The following ERC2 variants were observed in gnomAD, a reference collection of about 807,000 sequenced individuals.
ERC2 encodes the protein ERC protein 2.
In ERC2, 42 loss-of-function variants were observed where a neutral mutation model predicts 114.8. The ratio of observed to expected loss-of-function variants is 0.37; its 90% CI spans 0.29 to 0.47. The LOEUF is 0.47. Ranked by LOEUF, ERC2 falls within the 20% of genes least tolerant of loss-of-function variation. The pLI is 0.99. For synonymous variants in ERC2, 454 were observed against 425.5 expected, an observed-to-expected ratio of 1.07 and a Z score of -0.82; for missense variants, 939 against 1,150.7, an observed-to-expected ratio of 0.82 and a Z score of 2.66.
At chr3:56,399,780 C>G (rs1243005054) in intron 2 of ERC2, among the ~76,000 whole-genome samples, 1 of 151,314 alleles carries the variant, frequency 6.6e-6, no homozygotes, top group African/African-American at 2.4e-5. Flanking sequence ...AAAAAAGGAA[C>G]TTGGTTTTTA....
intron 14 of ERC2, among the ~76,000 whole-genome samples, chr3:55,772,732 G>A (rs1378531650): frequency 6.6e-6 from 1 of 152,118 alleles, no homozygotes; most frequent in African/African-American, 2.4e-5. Context: ...TGTCAAATTT[G>A]CCAAGATGAA....
intron 17 of ERC2, among the ~76,000 whole-genome samples, chr3:55,676,536 T>C (rs2061824566): frequency 6.6e-6 from 1 of 151,880 alleles, no homozygotes; most frequent in Non-Finnish European, 1.5e-5. Context: ...CTCAGATTAA[T>C]TTTCACCAGA....
At chr3:55,621,395 A>G (rs2059322943) in intron 17 of ERC2, among the ~76,000 whole-genome samples, 1 of 152,210 alleles carries the variant, frequency 6.6e-6, no homozygotes, top group Non-Finnish European at 1.5e-5. Context: ...GGTGACAACA[A>G]AGAAAGAACG....
intron 3 of ERC2, among the ~76,000 whole-genome samples, chr3:56,208,434 G>A (rs1184115615): frequency 6.6e-6 from 1 of 152,170 alleles, no homozygotes; most frequent in Non-Finnish European, 1.5e-5. Context: ...CAACAGGTTA[G>A]GAATTTAGGA....
Position 55,581,679 on chromosome 3 carries a change from A to T in ERC2, c.*40-70403T>A, listed in dbSNP as rs115975560. Among the ~76,000 whole-genome samples, 1,489 of 152,300 alleles carry T rather than the reference A, an allele frequency of 9.8e-3. 21 individuals are homozygous for T. Among genetic ancestry groups the T allele is most frequent in the African/African-American group, 0.034 (1,418 of 41,546 alleles). On this transcript the variant is annotated intron_variant, in intron 17 of 17. Coordinates refer to ENST00000288221, the MANE Select transcript of ERC2 (RefSeq NM_015576.3). ...TGTGAACCTCTTGAAATGATATGCA[A>T]CGTTTCAAATGTGCCACATGCTTTT... is the stretch of plus-strand genomic sequence containing the variant.
At chr3:56,225,033 T>G (rs2050160737) in intron 3 of ERC2, among the ~76,000 whole-genome samples, 1 of 152,134 alleles carries the variant, frequency 6.6e-6, no homozygotes, top group Non-Finnish European at 1.5e-5. Flanking sequence ...CCTGTCCATG[T>G]GTCCTCGGGC....
chr3:55,778,172 A>C (rs75998364), intron 14 of ERC2, among the ~76,000 whole-genome samples: 365 of 152,370 alleles, frequency 2.4e-3, no homozygotes, highest in Middle Eastern at 0.01. Context: ...AAATGAATAC[A>C]CGTGTGTATG....
chr3:56,346,309 T>C (rs935293502), intron 2 of ERC2, among the ~76,000 whole-genome samples: 1 of 152,192 alleles, frequency 6.6e-6, no homozygotes, highest in Non-Finnish European at 1.5e-5. Context: ...AACTGGAACA[T>C]TTTAAAAACT....
chr3:55,557,898 C>T (rs1444769615), intron 17 of ERC2, among the ~76,000 whole-genome samples: 2 of 152,182 alleles, frequency 1.3e-5, no homozygotes, highest in East Asian at 1.9e-4. Flanking sequence ...TGCTCGTGGC[C>T]CTCCAGGGCT....
intron 3 of ERC2, among the ~76,000 whole-genome samples, chr3:56,220,270 T>C (rs1442477138): frequency 2.0e-5 from 3 of 152,224 alleles, no homozygotes; most frequent in East Asian, 1.9e-4. Context: ...CATGCCATTC[T>C]GCATTTCCCA....
At chr3:56,082,319 T>C (rs942666714) in intron 6 of ERC2, among the ~76,000 whole-genome samples, 10 of 152,288 alleles carry the variant, frequency 6.6e-5, no homozygotes, top group African/African-American at 2.2e-4. Flanking sequence ...CCTTCCACCA[T>C]GTGAGAACAC....
At chr3:56,462,213 A>C (rs1390548019) in intron 1 of ERC2, among the ~76,000 whole-genome samples, 2 of 152,192 alleles carry the variant, frequency 1.3e-5, no homozygotes, top group Non-Finnish European at 2.9e-5. Flanking sequence ...AATTCTCTAC[A>C]TTACTCATTC....
At chr3:55,860,370 G>A (rs1279083720) in intron 14 of ERC2, among the ~76,000 whole-genome samples, 1 of 152,134 alleles carries the variant, frequency 6.6e-6, no homozygotes, top group Non-Finnish European at 1.5e-5. Flanking sequence ...AAGCTGGGGC[G>A]ATGTGCACCC....
At chr3:56,269,425 G>C (rs1276031394) in intron 3 of ERC2, among the ~76,000 whole-genome samples, 4 of 152,164 alleles carry the variant, frequency 2.6e-5, no homozygotes, top group African/African-American at 9.7e-5. Flanking sequence ...GGGTGAGTCT[G>C]CTCAGACCCT....
At chr3:56,167,880 T>C (rs967169092) in intron 4 of ERC2, among the ~76,000 whole-genome samples, 1 of 152,164 alleles carries the variant, frequency 6.6e-6, no homozygotes, top group African/African-American at 2.4e-5. Flanking sequence ...AACACATGCA[T>C]GTAAAAAGGA....
intron 5 of ERC2, among the ~76,000 whole-genome samples, chr3:56,147,150 A>T (rs4974170): frequency 0.076 from 11,541 of 152,262 alleles, 581 homozygotes; most frequent in East Asian, 0.14. Flanking sequence ...GAGTTCACTC[A>T]TATCTGTGCC....
At chr3:56,206,180 AACACACACACACACACACACAT>A (rs1433862185) in intron 3 of ERC2, among the ~76,000 whole-genome samples, 2 of 148,756 alleles carry the variant, frequency 1.3e-5, no homozygotes, top group African/African-American at 2.5e-5. Context: ...CAGCCAGAAA[AACACACACACACACACACACAT>A]ACACACACAC....
At chr3:56,399,157 G>A (rs2060427525) in intron 2 of ERC2, among the ~76,000 whole-genome samples, 2 of 152,194 alleles carry the variant, frequency 1.3e-5, no homozygotes, top group Admixed American at 1.3e-4. Context: ...TTAATGAATT[G>A]AATTTTTCTG....
chr3:55,555,782 C>T (rs977055961), intron 17 of ERC2, among the ~76,000 whole-genome samples: 3 of 152,180 alleles, frequency 2.0e-5, no homozygotes, highest in South Asian at 2.1e-4. Context: ...AACCTGTGCT[C>T]AGCTCTAGAG....
Sources: allele counts gnomAD v4.1 joint callset (sites outside exome capture counted in the v4.1 genomes callset), GRCh38; gene constraint gnomAD v4.1.1; transcripts MANE v1.5; gene names NCBI Gene and HGNC (gene_info 2026-07-23, HGNC 2026-07-21).